The following TUSC3 variants were observed in gnomAD, a reference collection of about 807,000 sequenced individuals.
TUSC3 encodes dolichyl-diphosphooligosaccharide--protein glycosyltransferase subunit TUSC3.
TUSC3 carries 45 observed loss-of-function variants against 44.8 expected under a neutral mutation model. The observed-to-expected ratio is 1.00, with a 90% CI of 0.79 to 1.29. The LOEUF (loss-of-function observed/expected upper bound fraction) is 1.29. Ranked by LOEUF, TUSC3 falls within the 50% of genes most tolerant of loss-of-function variation. TUSC3 has a pLI of 0.00. For synonymous variants in TUSC3, 212 were observed against 152.9 expected (o/e 1.39, Z -2.85); for missense variants, 519 against 437.9 (o/e 1.19, Z -1.65).
chr8:15,670,588 A>G (rs1229422011), intron 5 of TUSC3, among the ~76,000 whole-genome samples: 1 of 151,942 alleles, frequency 6.6e-6, no homozygotes, highest in Non-Finnish European at 1.5e-5. Context: ...CTTTTAGAAG[A>G]AAGCATGGAT....
At chr8:15,634,978 A>G (rs1585176558) in intron 2 of TUSC3, among the ~76,000 whole-genome samples, 1 of 152,150 alleles carries the variant, frequency 6.6e-6, no homozygotes, top group East Asian at 1.9e-4. Context: ...AGTGGTCATT[A>G]TCCTTATTAA....
intron 2 of TUSC3, among the ~76,000 whole-genome samples, chr8:15,494,283 A>C (rs1360566369): frequency 1.3e-5 from 2 of 150,010 alleles, no homozygotes; most frequent in Non-Finnish European, 3.0e-5. Flanking sequence ...CTGATGTCTC[A>C]GGCCCCTGAA....
chr8:15,652,872 G>T (rs897594661), intron 3 of TUSC3, among the ~76,000 whole-genome samples: 1 of 152,166 alleles, frequency 6.6e-6, no homozygotes, highest in Admixed American at 6.5e-5. Flanking sequence ...AAGACAGGGA[G>T]TTGGGTTAGT....
At chr8:15,795,946 C>G in the TUSC3 span, among the ~76,000 whole-genome samples, 2 of 152,170 alleles carry the variant, frequency 1.3e-5, no homozygotes, top group Admixed American at 1.3e-4. Context: ...ACAGCGGAAC[C>G]TAAATTAAAT....
chr8:15,635,331 A>G (rs1450120460), intron 2 of TUSC3, among the ~76,000 whole-genome samples: 1 of 152,182 alleles, frequency 6.6e-6, no homozygotes, highest in East Asian at 1.9e-4. Flanking sequence ...GAGGAGAGGA[A>G]GTCGAGTCAC....
exon 1 of TUSC3, chr8:15,417,241 T>A (rs1280053730): frequency 6.6e-6 from 1 of 152,498 alleles, no homozygotes; most frequent in African/African-American, 2.4e-5. Flanking sequence ...CCTCTTCGGC[T>A]TCATGCATGA....
At chr8:15,654,297 A>G (rs905119125) in intron 3 of TUSC3, among the ~76,000 whole-genome samples, 1 of 152,240 alleles carries the variant, frequency 6.6e-6, no homozygotes, top group African/African-American at 2.4e-5. Context: ...AAAGTATGGA[A>G]TGGGAGAAGC....
intron 1 of TUSC3, among the ~76,000 whole-genome samples, chr8:15,543,720 G>A (rs1420012424): frequency 1.3e-5 from 2 of 151,052 alleles, no homozygotes; most frequent in African/African-American, 2.4e-5. Context: ...CCTGAAATGC[G>A]GTAAGATTTT....
intron 5 of TUSC3, among the ~76,000 whole-genome samples, chr8:15,664,270 G>A (rs1585206753): frequency 1.3e-5 from 2 of 151,664 alleles, no homozygotes; most frequent in South Asian, 4.2e-4. Flanking sequence ...ACAAAGCTGG[G>A]CTTCTTTAAA....
chr8:15,426,358 C>T (rs1799803893), intron 1 of TUSC3, among the ~76,000 whole-genome samples: 2 of 152,212 alleles, frequency 1.3e-5, no homozygotes, highest in African/African-American at 4.8e-5. Context: ...AGAACTTATT[C>T]ATCTAGCATA....
chr8:15,802,941 T>A, the TUSC3 span, among the ~76,000 whole-genome samples: 1 of 152,214 alleles, frequency 6.6e-6, no homozygotes. Flanking sequence ...GTATACTATG[T>A]CACCTGCAAT....
chr8:15,716,332 G>A (rs1585260667), intron 6 of TUSC3, among the ~76,000 whole-genome samples: 2 of 151,824 alleles, frequency 1.3e-5, no homozygotes, highest in East Asian at 1.9e-4. Context: ...TCTGATTAAG[G>A]ACAAATCTGA....
At chr8:15,794,472 TG>T in the TUSC3 span, among the ~76,000 whole-genome samples, 1 of 152,190 alleles carries the variant, frequency 6.6e-6, no homozygotes, top group African/African-American at 2.4e-5. Context: ...GTACTATAAA[TG>T]GTTTGAGATT....
intron 2 of TUSC3, among the ~76,000 whole-genome samples, chr8:15,526,258 C>T (rs1161505207): frequency 6.6e-6 from 1 of 152,136 alleles, no homozygotes; most frequent in Non-Finnish European, 1.5e-5. Flanking sequence ...TGGTCTCGAT[C>T]TCCTGACCTC....
In TUSC3 at chr8:15,605,161, C is replaced by T. The variant is rs1054526021; in HGVS notation, c.139-17919C>T. ...CCCAAGCGTGAAGTGAGCATCGCTT[C>T]CAAAAGAGTAGAATCAATCAATAGA... On this transcript the variant is annotated intron_variant, in intron 1 of 10. Coordinates refer to ENST00000503731, the MANE Select transcript of TUSC3 (RefSeq NM_006765.4). Among the ~76,000 whole-genome samples the T allele has an allele frequency of 7.2e-5, 11 of 151,870 alleles. 1 individual carries two copies. In the Middle Eastern group the frequency reaches 0.014, roughly 188 times the overall value.
chr8:15,705,315 CA>C (rs988751083), intron 6 of TUSC3, among the ~76,000 whole-genome samples: 3 of 151,894 alleles, frequency 2.0e-5, no homozygotes, highest in Non-Finnish European at 4.4e-5. Flanking sequence ...TTACTTTGAA[CA>C]AAAACTATTT....
chr8:15,570,125 T>C (rs1026372227), intron 1 of TUSC3, among the ~76,000 whole-genome samples: 1 of 152,150 alleles, frequency 6.6e-6, no homozygotes, highest in Non-Finnish European at 1.5e-5. Flanking sequence ...GTCCATCGCA[T>C]TATAAATTCT....
chr8:15,498,512 C>G (rs1800912659), intron 2 of TUSC3, among the ~76,000 whole-genome samples: 1 of 152,098 alleles, frequency 6.6e-6, no homozygotes, highest in African/African-American at 2.4e-5. Context: ...AGGAATCCAC[C>G]CAAGGATCCT....
chr8:15,710,234 A>C lies in TUSC3; in HGVS notation c.799-20432A>C, dbSNP rs545418428. ...TTTCTCCACCCTTCCTCTTAATTTA[A>C]TAATGCTTTATTTGCTACCACTTAT... is the stretch of plus-strand genomic sequence containing the variant. On this transcript the variant is annotated intron_variant, in intron 6 of 10. Coordinates refer to ENST00000503731, the MANE Select transcript of TUSC3 (RefSeq NM_006765.4). Among the ~76,000 whole-genome samples, 4 of 151,960 alleles carry C rather than the reference A, an allele frequency of 2.6e-5. No homozygotes were observed. The South Asian group carries it at 8.3e-4, about 31-fold the overall frequency.
Sources: allele counts gnomAD v4.1 joint callset (sites outside exome capture counted in the v4.1 genomes callset), GRCh38; gene constraint gnomAD v4.1.1; transcripts MANE v1.5; gene names NCBI Gene and HGNC (gene_info 2026-07-23, HGNC 2026-07-21).